Variants in LRP1B observed in about 807,000 individuals in gnomAD.
LRP1B encodes the protein LDL receptor related protein 1B.
A neutral mutation model predicts 556.6 loss-of-function variants in LRP1B; 217 were observed. The observed-to-expected ratio is 0.39, with a 90% CI of 0.35 to 0.44. LRP1B has a LOEUF of 0.44. LRP1B is among the 20% of genes least tolerant of loss of function. The pLI, the probability that LRP1B is intolerant of heterozygous loss-of-function variation, is 1.00. For missense variants in LRP1B, 5,053 were observed against 5,620.8 expected, an observed-to-expected ratio of 0.90 and a Z score of 3.23; for synonymous variants, 2,047 against 1,865.8, an observed-to-expected ratio of 1.10 and a Z score of -2.50.
chr2:141,720,979 C>T (rs1315582942), intron 2 of LRP1B, among the ~76,000 whole-genome samples: 2 of 152,076 alleles, frequency 1.3e-5, no homozygotes, highest in Admixed American at 6.6e-5. Flanking sequence ...CTTTTTGACA[C>T]TTTCCTTCTA....
chr2:141,459,562 G>A (rs1444475296), intron 3 of LRP1B, among the ~76,000 whole-genome samples: 1 of 152,062 alleles, frequency 6.6e-6, no homozygotes, highest in Non-Finnish European at 1.5e-5. Flanking sequence ...TGTAGATCCC[G>A]TAATTCCCGA....
intron 66 of LRP1B, among the ~76,000 whole-genome samples, chr2:140,413,265 G>T (rs1260261961): frequency 6.6e-6 from 1 of 152,128 alleles, no homozygotes; most frequent in African/African-American, 2.4e-5. Context: ...AAAAAATAAA[G>T]TCATCTTAAT....
chr2:142,063,269 G>A (rs946697751), intron 1 of LRP1B, among the ~76,000 whole-genome samples: 10 of 151,452 alleles, frequency 6.6e-5, no homozygotes, highest in African/African-American at 2.2e-4. Context: ...TGATGGAGTC[G>A]TGTTCCTCAT....
At chr2:140,866,435 C>A (rs180685740) in intron 27 of LRP1B, among the ~76,000 whole-genome samples, 10 of 151,796 alleles carry the variant, frequency 6.6e-5, no homozygotes, top group African/African-American at 2.4e-4. Flanking sequence ...TCTATAATGT[C>A]CTCATGCTTT....
At chr2:141,742,294 T>C (rs1336543576) in intron 2 of LRP1B, among the ~76,000 whole-genome samples, 2 of 149,576 alleles carry the variant, frequency 1.3e-5, no homozygotes, top group African/African-American at 4.9e-5. Flanking sequence ...CTCTGTTGCC[T>C]AGGCTGGAGT....
intron 18 of LRP1B, among the ~76,000 whole-genome samples, chr2:140,955,606 T>C (rs1193137550): frequency 6.6e-6 from 1 of 151,796 alleles, no homozygotes; most frequent in Admixed American, 6.6e-5. Flanking sequence ...TTAATATGGA[T>C]TAATGGACTG....
At chr2:141,037,334 C>T (rs544305861) in intron 11 of LRP1B, among the ~76,000 whole-genome samples, 56 of 152,152 alleles carry the variant, frequency 3.7e-4, no homozygotes, top group African/African-American at 1.3e-3. Context: ...TATGCTTTTT[C>T]TCCAGATATA....
In LRP1B at chr2:141,544,744, C is replaced by T. The variant is rs141452714; in HGVS notation, c.206-64211G>A. On this transcript the variant is annotated intron_variant, in intron 2 of 90. Coordinates refer to ENST00000389484, the MANE Select transcript of LRP1B (RefSeq NM_018557.3). ...GCAGTGGGATGATCATAGCTCACTG[C>T]AGTTTTGACCTCCTGGGCTCAAGCA... Among the ~76,000 whole-genome samples, 405 of 152,034 alleles carry T rather than the reference C, an allele frequency of 2.7e-3. 2 individuals are homozygous for T. The highest frequency in any genetic ancestry group is 4.9e-3 in the Non-Finnish European group (334 of 67,970).
Position 140,335,697 on chromosome 2 carries a change from G to T in LRP1B, c.12034C>A (p.Gln4012Lys). The change falls in exon 78 of 91, where the codon CAG (glutamine) becomes AAG (lysine). Residue 4012 changes from glutamine (Q) to lysine (K), a missense_variant. Coordinates refer to ENST00000389484, the MANE Select transcript of LRP1B (RefSeq NM_018557.3). Reference sequence around the variant, plus strand: ...CTGGTGCAGTTGGGGCCATTCAGCTGCCCTACGTTGATAGAGTACCTCAGA... The same window carrying T: ...CTGGTGCAGTTGGGGCCATTCAGCTTCCCTACGTTGATAGAGTACCTCAGA... Reference protein sequence around the residue: ...TSLRYSINVGQLNGPNCTRLL... With the variant: ...TSLRYSINVGKLNGPNCTRLL... 2 of 1,612,372 alleles carry T rather than the reference G, an allele frequency of 1.2e-6. No homozygotes were observed. Among genetic ancestry groups the T allele is most frequent in the Non-Finnish European group, 1.7e-6 (2 of 1,178,758 alleles).
At chr2:141,584,792 T>C (rs1307992162) in intron 2 of LRP1B, among the ~76,000 whole-genome samples, 1 of 152,190 alleles carries the variant, frequency 6.6e-6, no homozygotes, top group Non-Finnish European at 1.5e-5. Flanking sequence ...CAGTCACAAA[T>C]AATTATAAAA....
intron 82 of LRP1B, among the ~76,000 whole-genome samples, chr2:140,315,711 A>C (rs13386580): frequency 0.31 from 47,001 of 152,182 alleles, 8,075 homozygotes; most frequent in Non-Finnish European, 0.4. Context: ...TTGCTATTAA[A>C]AAAGAAAACT....
At chr2:141,137,877 A>T (rs1325880691) in intron 7 of LRP1B, among the ~76,000 whole-genome samples, 2 of 151,216 alleles carry the variant, frequency 1.3e-5, no homozygotes, top group Non-Finnish European at 3.0e-5. Flanking sequence ...TTGCCATGTT[A>T]TGGATTTTTT....
At chr2:142,057,955 G>T (rs936604387) in intron 1 of LRP1B, among the ~76,000 whole-genome samples, 1 of 152,046 alleles carries the variant, frequency 6.6e-6, no homozygotes, top group Non-Finnish European at 1.5e-5. Context: ...AGGGCATCTT[G>T]ACCACTTTAT....
At chr2:141,169,482 T>C (rs1680406708) in intron 7 of LRP1B, among the ~76,000 whole-genome samples, 1 of 151,946 alleles carries the variant, frequency 6.6e-6, no homozygotes, top group Non-Finnish European at 1.5e-5. Context: ...ATGTTTTCCA[T>C]GACAGGTACA....
intron 2 of LRP1B, among the ~76,000 whole-genome samples, chr2:141,736,136 C>T (rs1693459027): frequency 1.3e-5 from 2 of 152,028 alleles, no homozygotes; most frequent in Admixed American, 1.3e-4. Context: ...AAACGGCAGA[C>T]CCTTGGAAAC....
chr2:141,330,518 A>C (rs1161110518), intron 3 of LRP1B, among the ~76,000 whole-genome samples: 1 of 152,236 alleles, frequency 6.6e-6, no homozygotes, highest in African/African-American at 2.4e-5. Flanking sequence ...TAATTGATTT[A>C]TTAGTACACA....
At chr2:141,814,620 C>A (rs1344783204) in intron 1 of LRP1B, among the ~76,000 whole-genome samples, 1 of 152,118 alleles carries the variant, frequency 6.6e-6, no homozygotes, top group African/African-American at 2.4e-5. Context: ...TAAATGCCAG[C>A]ATCTTAAATT....
intron 2 of LRP1B, among the ~76,000 whole-genome samples, chr2:141,715,682 G>A (rs1280409885): frequency 1.3e-5 from 2 of 152,042 alleles, no homozygotes; most frequent in African/African-American, 4.8e-5. Flanking sequence ...GGGCATTGTG[G>A]TGGGTGCCTA....
At chr2:141,626,437 C>A (rs559099955) in intron 2 of LRP1B, among the ~76,000 whole-genome samples, 1 of 152,258 alleles carries the variant, frequency 6.6e-6, no homozygotes, top group South Asian at 2.1e-4. Context: ...AAGACACCAA[C>A]TATGAATGTA....
Sources: allele counts gnomAD v4.1 joint callset (sites outside exome capture counted in the v4.1 genomes callset), GRCh38; gene constraint gnomAD v4.1.1; transcripts MANE v1.5; gene names NCBI Gene and HGNC (gene_info 2026-07-23, HGNC 2026-07-21).